Variants in RAB23 observed in about 807,000 individuals in gnomAD.
RAB23 encodes RAB23, member RAS oncogene family.
Under a neutral mutation model 30.0 loss-of-function variants are expected in RAB23, and 15 were observed. The observed-to-expected ratio is 0.50, with a 90% CI of 0.33 to 0.77. RAB23 has a LOEUF of 0.77. Ranked by LOEUF, RAB23 falls within the 30% of genes least tolerant of loss-of-function variation. The pLI, the probability that RAB23 is intolerant of heterozygous loss-of-function variation, is 0.02. For missense variants in RAB23, 243 were observed against 275.4 expected (o/e 0.88, Z 0.83); for synonymous variants, 93 against 94.0 (o/e 0.99, Z 0.06).
In RAB23 at chr6:57,210,503, T is replaced by C. The variant is rs146712236; in HGVS notation, c.-65-58A>G. ...CACAAAAATGTACAAAATAAACTAATTGTTTTATCAAGAAATTATCACATT... is the reference window on the plus strand; with the variant it reads ...CACAAAAATGTACAAAATAAACTAACTGTTTTATCAAGAAATTATCACATT... On this transcript the variant is annotated intron_variant, in intron 1 of 6. Coordinates refer to ENST00000468148, the MANE Select transcript of RAB23 (RefSeq NM_016277.5). 2.2e-5 allele frequency: 24 copies of C among 1,110,306 alleles called. No individual in the cohort carries two copies. The Admixed American group carries it at 3.1e-4, about 14-fold the overall frequency. The allele number at this position is 1,110,306 out of a possible 1,614,324, so 68.8% of individuals were successfully genotyped here. A position where few individuals can be genotyped will look rare whatever the true frequency, so the allele number is the denominator to read the frequency against.
rs1554307790 is a variant in RAB23 at position 57,187,964 on chromosome 6, C to CTAT, written c.*2494_*2496dup. On this transcript the variant is annotated 3_prime_UTR_variant, in exon 7 of 7. Transcript: ENST00000468148. Reference sequence around the variant, plus strand: ...TGCCTTATATGGGTCATTCTATATACTATTTAATTCATAGACAGAGACTGG... The same window carrying CTAT: ...TGCCTTATATGGGTCATTCTATATACTATTATTTAATTCATAGACAGAGACTGG... 1.3e-5 allele frequency: 2 copies of CTAT among 150,426 alleles called. No individual in the cohort carries two copies. Among genetic ancestry groups the CTAT allele is most frequent in the East Asian group, 1.9e-4 (1 of 5,136 alleles). 9.3% of individuals were successfully genotyped at this position (150,426 alleles called of 1,614,324 possible). A position where few individuals can be genotyped will look rare whatever the true frequency, so the allele number is the denominator to read the frequency against.
intron 2 of RAB23, among the ~76,000 whole-genome samples, chr6:57,208,137 G>A (rs913677050): frequency 6.6e-6 from 1 of 152,160 alleles, no homozygotes; most frequent in African/African-American, 2.4e-5. Context: ...TATCAACAGT[G>A]AAAGAGTGAA....
chr6:57,212,897 C>A (rs995462941), intron 1 of RAB23, among the ~76,000 whole-genome samples: 1 of 151,822 alleles, frequency 6.6e-6, no homozygotes, highest in African/African-American at 2.4e-5. Flanking sequence ...AACAAACAAA[C>A]AAACAAAAAA....
chr6:57,204,996 A>C (rs946866523), intron 3 of RAB23, among the ~76,000 whole-genome samples: 1 of 151,612 alleles, frequency 6.6e-6, no homozygotes, highest in Admixed American at 6.6e-5. Flanking sequence ...GTACATATGT[A>C]CAGACATGTT....
intron 1 of RAB23, among the ~76,000 whole-genome samples, chr6:57,215,636 G>C (rs77450031): frequency 0.074 from 11,336 of 152,184 alleles, 612 homozygotes; most frequent in South Asian, 0.14. Context: ...CAATGCAAAA[G>C]AACAGCTAAT....
intron 3 of RAB23, among the ~76,000 whole-genome samples, chr6:57,205,769 G>A (rs1326103776): frequency 1.3e-5 from 2 of 152,192 alleles, no homozygotes; most frequent in African/African-American, 4.8e-5. Context: ...CTGGACAGAC[G>A]AGGGGAAACA....
At chr6:57,202,318 G>A (rs1397737534) in intron 3 of RAB23, among the ~76,000 whole-genome samples, 1 of 152,160 alleles carries the variant, frequency 6.6e-6, no homozygotes, top group Non-Finnish European at 1.5e-5. Flanking sequence ...TTCCCCCACT[G>A]TATAGTAGCC....
chr6:57,220,125 CG>C lies in RAB23; in HGVS notation c.-66+1600del, dbSNP rs536533994. ...GAGACTTTGCCAGATACCTCACCAA[CG>C]ACTCCATGTGGCAAATGAACACATG... On this transcript the variant is annotated intron_variant, in intron 1 of 6. Transcript: ENST00000468148. Among the ~76,000 whole-genome samples, 233 of 152,320 alleles carry C rather than the reference CG, an allele frequency of 1.5e-3. 3 individuals are homozygous for C. The highest frequency in any genetic ancestry group is 0.013 in the Admixed American group (206 of 15,308).
chr6:57,187,392 C>G lies in RAB23; in HGVS notation c.*3069G>C, dbSNP rs1421643913. 2 of 152,100 alleles carry G rather than the reference C, an allele frequency of 1.3e-5. No homozygotes were observed. The highest frequency in any genetic ancestry group is 4.8e-5 in the African/African-American group (2 of 41,412). 9.4% of individuals were successfully genotyped at this position (152,100 alleles called of 1,614,324 possible). ...ATTCATCTGTATGATGAGAGACTTACATGTTTTATAGCTGAAAACCTAAGG... is the reference window on the plus strand; with the variant it reads ...ATTCATCTGTATGATGAGAGACTTAGATGTTTTATAGCTGAAAACCTAAGG... On this transcript the variant is annotated 3_prime_UTR_variant, in exon 7 of 7. Transcript: ENST00000468148.
At chr6:57,214,019 C>T (rs1481598152) in intron 1 of RAB23, among the ~76,000 whole-genome samples, 3 of 152,164 alleles carry the variant, frequency 2.0e-5, no homozygotes, top group Non-Finnish European at 4.4e-5. Flanking sequence ...AAGGCACCCC[C>T]CACCCCTGCC....
intron 3 of RAB23, among the ~76,000 whole-genome samples, chr6:57,207,405 T>C (rs563416261): frequency 2.6e-5 from 4 of 152,338 alleles, no homozygotes; most frequent in African/African-American, 7.2e-5. Context: ...ACATGAGTCA[T>C]ATAATTCTAA....
intron 5 of RAB23, among the ~76,000 whole-genome samples, chr6:57,194,180 C>G (rs1235504508): frequency 1.3e-5 from 2 of 151,902 alleles, no homozygotes; most frequent in Admixed American, 1.3e-4. Context: ...TAATGATTGG[C>G]TCTTCTAAGT....
Position 57,210,413 on chromosome 6 carries a change from T to C in RAB23, c.-33A>G. ...GCTGAAATGGTTTCTGTACCAACTC[T>C]AATTCTAGGAGATCAGATCTTCCCT... On this transcript the variant is annotated 5_prime_UTR_variant, in exon 2 of 7. Coordinates refer to ENST00000468148, the MANE Select transcript of RAB23 (RefSeq NM_016277.5). 1 of 1,602,786 alleles carries C rather than the reference T, an allele frequency of 6.2e-7. No individual in the cohort carries two copies. The highest frequency in any genetic ancestry group is 8.5e-7 in the Non-Finnish European group (1 of 1,170,116).
At chr6:57,212,257 A>G (rs964410885) in intron 1 of RAB23, among the ~76,000 whole-genome samples, 1 of 152,078 alleles carries the variant, frequency 6.6e-6, no homozygotes, top group Non-Finnish European at 1.5e-5. Context: ...TGGGACAATT[A>G]TGCACAACAT....
chr6:57,199,208 G>C (rs1593213667), intron 3 of RAB23, among the ~76,000 whole-genome samples: 1 of 152,202 alleles, frequency 6.6e-6, no homozygotes, highest in African/African-American at 2.4e-5. Flanking sequence ...TCTGCTGGGG[G>C]CTGTTCTGAT....
chr6:57,203,362 C>A (rs1765341377), intron 3 of RAB23, among the ~76,000 whole-genome samples: 1 of 152,020 alleles, frequency 6.6e-6, no homozygotes, highest in South Asian at 2.1e-4. Context: ...CTAAAAATAA[C>A]CCTATTGGTT....
Position 57,210,255 on chromosome 6 carries a change from A to G in RAB23, c.126T>C (p.Ile42=). Residue 42 remains isoleucine (I), a synonymous_variant, in exon 2 of 7, where the codon ATT becomes ATC. Coordinates refer to ENST00000468148, the MANE Select transcript of RAB23 (RefSeq NM_016277.5). ...GIFTKDYKKT[I]GVDFLERQIQ... ...TTTGTCGCTCCAAAAAATCAACTCC[A>G]ATGGTTTTCTTGTAGTCTTTTGTAA... The G allele has an allele frequency of 6.2e-7, 1 of 1,614,078 alleles. No homozygotes were observed. Among genetic ancestry groups the G allele is most frequent in the Non-Finnish European group, 8.5e-7 (1 of 1,179,962 alleles).
At chr6:57,210,876 T>C (rs1736602931) in intron 1 of RAB23, among the ~76,000 whole-genome samples, 1 of 152,350 alleles carries the variant, frequency 6.6e-6, no homozygotes, top group East Asian at 1.9e-4. Context: ...GTGAAAGTTA[T>C]GCATTCAGAA....
At chr6:57,205,549 T>C (rs1223056116) in intron 3 of RAB23, among the ~76,000 whole-genome samples, 1 of 152,068 alleles carries the variant, frequency 6.6e-6, no homozygotes, top group Non-Finnish European at 1.5e-5. Flanking sequence ...GAGTGATAAA[T>C]GCAATAAACA....
Sources: gnomAD v4.1 joint callset for allele counts (sites outside exome capture counted in the v4.1 genomes callset) on GRCh38, gnomAD v4.1.1 for gene constraint, MANE v1.5 for transcripts, NCBI Gene and HGNC (gene_info 2026-07-23, HGNC 2026-07-21) for gene names.